HOXC10: variants seen among roughly 807,000 people sequenced by gnomAD.
HOXC10 encodes homeobox protein Hox-C10.
Under a neutral mutation model 26.0 loss-of-function variants are expected in HOXC10, and 15 were observed. That is an observed-to-expected ratio of 0.58 (90% CI 0.39 to 0.89). The LOEUF is 0.89. Among genes scored for constraint, HOXC10 ranks in the 40% least tolerant of loss-of-function variants. HOXC10 has a pLI of 0.00. For synonymous variants in HOXC10, 196 were observed against 185.5 expected (o/e 1.06, Z -0.46); for missense variants, 446 against 451.9 (o/e 0.99, Z 0.12).
Position 53,985,857 on chromosome 12 carries a change from G to A in HOXC10, c.598G>A (p.Glu200Lys). The A allele has an allele frequency of 1.2e-6, 2 of 1,613,768 alleles. No individual in the cohort carries two copies. The change falls in exon 1 of 2, where the codon GAG becomes AAG. Residue 200 changes from glutamate (E) to lysine (K), a missense_variant. Physicochemically the swap from Glu to Lys is moderately conservative, Grantham distance 56. Coordinates refer to ENST00000303460, the MANE Select transcript of HOXC10 (RefSeq NM_017409.4). ...GCTGGGGGGCAAAGTGAGTTTCCCT[G>A]AGACCCCCAAGTCCGACAGCCAGAC... Reference protein sequence around the residue: ...PQLGGKVSFPETPKSDSQTPS... With the variant: ...PQLGGKVSFPKTPKSDSQTPS...
In HOXC10 at chr12:53,985,889, C is replaced by A. The variant is rs1445353987; in HGVS notation, c.630C>A (p.Ser210Arg). The A allele has an allele frequency of 1.2e-6, 2 of 1,613,798 alleles. No homozygotes were observed. Among genetic ancestry groups the A allele is most frequent in the Non-Finnish European group, 1.7e-6 (2 of 1,180,036 alleles). ...ETPKSDSQTPSPNEIKTEQSL... is the reference protein window; with the variant it reads ...ETPKSDSQTPRPNEIKTEQSL... ...CCAAGTCCGACAGCCAGACCCCCAGCCCCAATGAAATCAAGACGGAGCAGA... is the reference window on the plus strand; with the variant it reads ...CCAAGTCCGACAGCCAGACCCCCAGACCCAATGAAATCAAGACGGAGCAGA... The change falls in exon 1 of 2, where the codon AGC becomes AGA. Residue 210 changes from serine to arginine, a missense_variant. Ser to Arg is a moderately radical substitution (Grantham distance 110). Transcript: ENST00000303460.
Position 53,989,553 on chromosome 12 carries a change from G to T in HOXC10, c.*107G>T, listed in dbSNP as rs1250660592. On this transcript the variant is annotated 3_prime_UTR_variant, in exon 2 of 2. Transcript: ENST00000303460. ...TCCTCCCTGAGTATAAATGCAATGC[G>T]ACTGCAAAAAAGGCAAAGACCTCAG... 8.6e-7 allele frequency: 1 copy of T among 1,166,142 alleles called. No individual in the cohort carries two copies. The highest frequency in any genetic ancestry group is 2.8e-5 in the Admixed American group (1 of 35,336). The allele number at this position is 1,166,142 out of a possible 1,614,324, so 72.2% of individuals were successfully genotyped here. A position where few individuals can be genotyped will look rare whatever the true frequency, so the allele number is the denominator to read the frequency against.
At position 53,985,404 on chromosome 12, in the gene HOXC10, C is replaced by T. The variant is rs754577963; in HGVS notation, c.145C>T (p.Leu49Phe). Residue 49 changes from leucine (L) to phenylalanine (F), a missense_variant, in exon 1 of 2, where the codon CTC becomes TTC. By Grantham distance (22) the Leu-to-Phe change is conservative. Coordinates refer to ENST00000303460, the MANE Select transcript of HOXC10 (RefSeq NM_017409.4). ...FNCGVMRGCG[L>F]APSLSKRDEG... ...TTGCGGGGTGATGAGGGGCTGCGGG[C>T]TCGCGCCCTCGCTCTCCAAGAGGGA... 1.2e-6 allele frequency: 2 copies of T among 1,613,164 alleles called. No individual in the cohort carries two copies. Among genetic ancestry groups the T allele is most frequent in the South Asian group, 1.1e-5 (1 of 91,082 alleles).
Position 53,985,324 on chromosome 12 carries a change from G to T in HOXC10, c.65G>T (p.Gly22Val). 4 of 1,606,924 alleles carry T rather than the reference G, an allele frequency of 2.5e-6. No individual in the cohort carries two copies. The highest frequency in any genetic ancestry group is 3.4e-6 in the Non-Finnish European group (4 of 1,176,132). Reference protein sequence around the residue: ...YAEPLAAPGGGERYSRSAGMY... With the variant: ...YAEPLAAPGGVERYSRSAGMY... ...GAGCCCTTGGCTGCGCCCGGCGGAGGAGAGCGCTATAGCCGGAGCGCAGGC... is the reference window on the plus strand; with the variant it reads ...GAGCCCTTGGCTGCGCCCGGCGGAGTAGAGCGCTATAGCCGGAGCGCAGGC... Residue 22 changes from glycine (G) to valine (V), a missense_variant, in exon 1 of 2, where the codon GGA becomes GTA. By Grantham distance (109) the Gly-to-Val change is moderately radical. Transcript: ENST00000303460.
Position 53,985,193 on chromosome 12 carries a change from T to G in HOXC10, c.-67T>G. 29 of 963,900 alleles carry G rather than the reference T, an allele frequency of 3.0e-5. No individual in the cohort carries two copies. The highest frequency in any genetic ancestry group is 7.3e-5 in the South Asian group (2 of 27,480). The allele number at this position is 963,900 out of a possible 1,614,324, so 59.7% of individuals were successfully genotyped here. A position where few individuals can be genotyped will look rare whatever the true frequency, so the allele number is the denominator to read the frequency against. On this transcript the variant is annotated 5_prime_UTR_variant, in exon 1 of 2. The change abolishes an upstream ATG in the 5' untranslated region. Transcript: ENST00000303460. ...CTCCAACCGCGCCCCCCCTCCCGGA[T>G]GGGGAAAAAAAAAGATGTCAGCTCC...
rs566455612 is a variant in HOXC10, at chr12:53,989,269, G to T, written c.852G>T (p.Glu284Asp). ...CTAAACACCAGACGCTGGAATTGGA[G>T]AAAGAATTTCTGTTCAATATGTATT... ...PYTKHQTLELEKEFLFNMYLT... is the reference protein window; with the variant it reads ...PYTKHQTLELDKEFLFNMYLT... The change falls in exon 2 of 2, where the codon GAG becomes GAT. Residue 284 changes from glutamate (E) to aspartate (D), a missense_variant. Physicochemically the swap from Glu to Asp is conservative, Grantham distance 45. Transcript: ENST00000303460. 6.2e-7 allele frequency: 1 copy of T among 1,614,178 alleles called. No individual in the cohort carries two copies. The highest frequency in any genetic ancestry group is 1.1e-5 in the South Asian group (1 of 91,084).
rs538916203 is a variant in HOXC10 at position 53,989,795 on chromosome 12, G to GA, written c.*356dup. ...AGATCGAATCCATCCGCTTGTAGGGGAAAAAAAGGAAAAAAATTAACCAGA... is the reference window on the plus strand; with the variant it reads ...AGATCGAATCCATCCGCTTGTAGGGGAAAAAAAAGGAAAAAAATTAACCAGA... On this transcript the variant is annotated 3_prime_UTR_variant, in exon 2 of 2. Transcript: ENST00000303460. The GA allele has an allele frequency of 4.4e-5, 10 of 229,126 alleles. No homozygotes were observed. The East Asian group carries it at 7.7e-4, about 18-fold the overall frequency. The allele number at this position is 229,126 out of a possible 1,614,324, so 14.2% of individuals were successfully genotyped here.
At position 53,989,688 on chromosome 12, in the gene HOXC10, G is replaced by A; in HGVS notation, c.*242G>A. The stretch of plus-strand genomic sequence containing the variant: ...GTGGTGTGTGCCCTCATAGATGGGG[G>A]TGGGAGTGTGGCTGGTGTGTGTGTC... On this transcript the variant is annotated 3_prime_UTR_variant, in exon 2 of 2. Coordinates refer to ENST00000303460, the MANE Select transcript of HOXC10 (RefSeq NM_017409.4). 3.7e-6 allele frequency: 2 copies of A among 534,894 alleles called. No individual in the cohort carries two copies. The highest frequency in any genetic ancestry group is 6.6e-6 in the Non-Finnish European group (2 of 304,154). 33.1% of individuals were successfully genotyped at this position (534,894 alleles called of 1,614,324 possible). A position where few individuals can be genotyped will look rare whatever the true frequency, so the allele number is the denominator to read the frequency against.
chr12:53,985,153 T>G lies in HOXC10; in HGVS notation c.-107T>G. The G allele has an allele frequency of 2.2e-5, 9 of 400,608 alleles. No homozygotes were observed. Among genetic ancestry groups the G allele is most frequent in the East Asian group, 2.1e-4 (3 of 14,280 alleles). The allele number at this position is 400,608 out of a possible 1,614,324, so 24.8% of individuals were successfully genotyped here. A position where few individuals can be genotyped will look rare whatever the true frequency, so the allele number is the denominator to read the frequency against. On this transcript the variant is annotated 5_prime_UTR_variant, in exon 1 of 2. Coordinates refer to ENST00000303460, the MANE Select transcript of HOXC10 (RefSeq NM_017409.4). ...GCTGATATTTCCCCCCCTCCCCTTC[T>G]TTTTCCTCCCTCCCCTCCAACCGCG...
Position 53,989,484 on chromosome 12 carries a change from C to CGA in HOXC10, c.*38_*39insGA. On this transcript the variant is annotated 3_prime_UTR_variant, in exon 2 of 2. Transcript: ENST00000303460. ...TCCTCCTCCCTTCCCGCTCCTTCCT[C>CGA]TCCCCGCCCCTCCTCCCTTTGTGCC... The CGA allele has an allele frequency of 6.4e-7, 1 of 1,567,280 alleles. No individual in the cohort carries two copies. Among genetic ancestry groups the CGA allele is most frequent in the Non-Finnish European group, 8.7e-7 (1 of 1,152,586 alleles).
At position 53,985,316 on chromosome 12, in the gene HOXC10, C is replaced by G. The variant is rs1204215794; in HGVS notation, c.57C>G (p.Pro19=). 3.1e-6 allele frequency: 5 copies of G among 1,600,762 alleles called. No homozygotes were observed. Among genetic ancestry groups the G allele is most frequent in the Non-Finnish European group, 4.3e-6 (5 of 1,173,810 alleles). ...PNSYAEPLAA[P]GGGERYSRSA... is the part of the protein sequence containing the mutation. ...CGTACGCGGAGCCCTTGGCTGCGCC[C>G]GGCGGAGGAGAGCGCTATAGCCGGA... Residue 19 remains proline, a synonymous_variant, in exon 1 of 2, where the codon CCC becomes CCG. Coordinates refer to ENST00000303460, the MANE Select transcript of HOXC10 (RefSeq NM_017409.4).
intron 1 of HOXC10, 46 bp downstream of exon 1, chr12:53,986,056 T>C (rs752428934): frequency 1.3e-6 from 2 of 1,501,166 alleles, no homozygotes; most frequent in South Asian, 1.4e-5. Context: ...TTCCGGCACT[T>C]GGTCTTCGCG....
Position 53,989,558 on chromosome 12 carries a change from C to CA in HOXC10, c.*118dup, listed in dbSNP as rs1939486130. The CA allele has an allele frequency of 2.9e-6, 3 of 1,044,102 alleles. No individual in the cohort carries two copies. Among genetic ancestry groups the CA allele is most frequent in the East Asian group, 2.6e-5 (1 of 38,432 alleles). The allele number at this position is 1,044,102 out of a possible 1,614,324, so 64.7% of individuals were successfully genotyped here. On this transcript the variant is annotated 3_prime_UTR_variant, in exon 2 of 2. Transcript: ENST00000303460. ...CCTGAGTATAAATGCAATGCGACTG[C>CA]AAAAAAGGCAAAGACCTCAGACTCT... is the stretch of plus-strand genomic sequence containing the variant.
Position 53,990,140 on chromosome 12 carries a change from GC to G in HOXC10, c.*705del, listed in dbSNP as rs3832829. 0.017 allele frequency: 2,328 copies of G among 138,642 alleles called. 35 individuals carry two copies. Among genetic ancestry groups the G allele is most frequent in the African/African-American group, 0.04 (1,355 of 33,652 alleles). 8.6% of individuals were successfully genotyped at this position (138,642 alleles called of 1,614,324 possible). The stretch of plus-strand genomic sequence containing the variant: ...GAACATAGCAAAGCAAAGACAGAAT[GC>G]CCCCCCCCCCAAATATTGTCCTGTC... On this transcript the variant is annotated 3_prime_UTR_variant, in exon 2 of 2. Transcript: ENST00000303460.
intron 1 of HOXC10, 41 bp downstream of exon 1, chr12:53,986,051 G>A: frequency 6.6e-7 from 1 of 1,506,678 alleles, no homozygotes; most frequent in Non-Finnish European, 8.8e-7. Flanking sequence ...GGACGTTCCG[G>A]CACTTGGTCT....
chr12:53,989,473 C>A lies in HOXC10; in HGVS notation c.*27C>A. On this transcript the variant is annotated 3_prime_UTR_variant, in exon 2 of 2. Transcript: ENST00000303460. Reference sequence around the variant, plus strand: ...AGCGCGGCCTCTCCTCCTCCCTTCCCGCTCCTTCCTCTCCCCGCCCCTCCT... The same window carrying A: ...AGCGCGGCCTCTCCTCCTCCCTTCCAGCTCCTTCCTCTCCCCGCCCCTCCT... The A allele has an allele frequency of 6.3e-7, 1 of 1,590,778 alleles. No individual in the cohort carries two copies. The highest frequency in any genetic ancestry group is 8.6e-7 in the Non-Finnish European group (1 of 1,166,694).
At position 53,985,427 on chromosome 12, in the gene HOXC10, G is replaced by A. The variant is rs749761405; in HGVS notation, c.168G>A (p.Arg56=). Residue 56 remains arginine, a synonymous_variant, in exon 1 of 2, where the codon AGG becomes AGA. Coordinates refer to ENST00000303460, the MANE Select transcript of HOXC10 (RefSeq NM_017409.4). ...GGCTCGCGCCCTCGCTCTCCAAGAG[G>A]GACGAGGGCAGCAGCCCCAGCCTCG... ...GCGLAPSLSK[R]DEGSSPSLAL... The A allele has an allele frequency of 3.7e-6, 6 of 1,612,588 alleles. No individual in the cohort carries two copies. In the South Asian group the frequency reaches 6.6e-5, roughly 18 times the overall value.
intron 1 of HOXC10, chr12:53,986,734 T>C (rs1939442623): frequency 6.6e-6 from 1 of 152,246 alleles, no homozygotes; most frequent in Non-Finnish European, 1.5e-5. Context: ...CATTTTTTTC[T>C]AGTTAAATTA....
chr12:53,989,312 C>G lies in HOXC10; in HGVS notation c.895C>G (p.Leu299Val). The G allele has an allele frequency of 6.2e-7, 1 of 1,614,194 alleles. No individual in the cohort carries two copies. Among genetic ancestry groups the G allele is most frequent in the Admixed American group, 1.7e-5 (1 of 60,020 alleles). Reference sequence around the variant, plus strand: ...TATGTATTTGACGCGAGAGCGCCGCCTGGAGATTAGCAAGACCATTAACCT... The same window carrying G: ...TATGTATTTGACGCGAGAGCGCCGCGTGGAGATTAGCAAGACCATTAACCT... ...FNMYLTRERR[L>V]EISKTINLTD... The change falls in exon 2 of 2, where the codon CTG (leucine) becomes GTG (valine). Residue 299 changes from leucine (L) to valine (V), a missense_variant. Physicochemically the swap from Leu to Val is conservative, Grantham distance 32. Transcript: ENST00000303460.
Sources: gnomAD v4.1 joint callset for allele counts on GRCh38, gnomAD v4.1.1 for gene constraint, MANE v1.5 for transcripts, NCBI Gene and HGNC (gene_info 2026-07-23, HGNC 2026-07-21) for gene names.